Variants in TFRC observed in about 807,000 individuals in gnomAD.
The protein encoded by TFRC is transferrin receptor protein 1.
Under a neutral mutation model 85.8 loss-of-function variants are expected in TFRC, and 35 were observed. That is an observed-to-expected ratio of 0.41 (90% CI 0.31 to 0.54). The LOEUF is 0.54. Ranked by LOEUF, TFRC falls within the 20% of genes least tolerant of loss-of-function variation. The pLI is 0.31. For missense variants in TFRC, 828 were observed against 921.5 expected (o/e 0.90, Z 1.31); for synonymous variants, 362 against 328.6 (o/e 1.10, Z -1.10).
At chr3:196,058,515 T>C (rs1717007601) in intron 15 of TFRC, 59 bp downstream of exon 15, 3 of 1,526,552 alleles carry the variant, frequency 2.0e-6, no homozygotes, top group Non-Finnish European at 2.7e-6. Context: ...TTCTACCTAA[T>C]GTAGTAGGTA....
At chr3:196,052,234 G>T in intron 18 of TFRC, 50 bp from the exon 19 acceptor site, 1 of 1,479,222 alleles carries the variant, frequency 6.8e-7, no homozygotes, top group Non-Finnish European at 9.1e-7. Context: ...GACTTTTGTA[G>T]TAAAACAACA....
chr3:196,081,181 T>C (rs1230391997), intron 1 of TFRC, among the ~76,000 whole-genome samples: 1 of 152,226 alleles, frequency 6.6e-6, no homozygotes, highest in Non-Finnish European at 1.5e-5. Flanking sequence ...ACCACACCGC[T>C]AATCTCCAAG....
intron 10 of TFRC, among the ~76,000 whole-genome samples, chr3:196,064,897 T>C (rs943077579): frequency 2.0e-5 from 3 of 152,222 alleles, no homozygotes; most frequent in Non-Finnish European, 2.9e-5. Context: ...TAACTTAGAA[T>C]AGATTTTCTA....
At chr3:196,060,039 C>G (rs1717142171) in intron 14 of TFRC, 141 bp downstream of exon 14, 1 of 624,594 alleles carries the variant, frequency 1.6e-6, no homozygotes, top group Non-Finnish European at 2.8e-6. Flanking sequence ...AGGCAAGTAT[C>G]CCTTAAATAA....
In TFRC at chr3:196,075,945, T is replaced by C. The variant is rs532953822; in HGVS notation, c.37-585A>G. ...AAGTTTGAGACAAGCCTGACCAACA[T>C]GGTGAAATCCCCTCTCACTAAAAAT... On this transcript the variant is annotated intron_variant, in intron 2 of 18. Transcript: ENST00000360110. 6.0e-5 allele frequency among the ~76,000 whole-genome samples: 9 copies of C among 149,324 alleles called. No individual in the cohort carries two copies. The East Asian group carries it at 1.2e-3, about 20-fold the overall frequency.
At chr3:196,073,880 A>G in intron 4 of TFRC, 50 bp downstream of exon 4, 11 of 1,563,086 alleles carry the variant, frequency 7.0e-6, no homozygotes, top group Non-Finnish European at 9.6e-6. Context: ...GTGGCCTATC[A>G]TAATTCTTGA....
chr3:196,057,781 C>CAAAAAAAA (rs370832734), intron 16 of TFRC, among the ~76,000 whole-genome samples: 6 of 77,564 alleles, frequency 7.7e-5, no homozygotes, highest in African/African-American at 2.5e-4. Flanking sequence ...TCACCATTGT[C>CAAAAAAAA]AAAAAAAAAA....
At position 196,067,786 on chromosome 3, in the gene TFRC, C is replaced by A. The variant is rs1717858936; in HGVS notation, c.901-129G>T. On this transcript the variant is annotated intron_variant, in intron 8 of 18. Coordinates refer to ENST00000360110, the MANE Select transcript of TFRC (RefSeq NM_001128148.3). Reference sequence around the variant, plus strand: ...CTTGAAGCCTCAAAAATCTGAGTGGCTCTACAATGTGACTCCTGTTTTCAT... The same window carrying A: ...CTTGAAGCCTCAAAAATCTGAGTGGATCTACAATGTGACTCCTGTTTTCAT... The A allele has an allele frequency of 2.8e-6, 3 of 1,072,664 alleles. No homozygotes were observed. The East Asian group carries it at 7.5e-5, about 27-fold the overall frequency. 66.4% of individuals were successfully genotyped at this position (1,072,664 alleles called of 1,614,324 possible).
chr3:196,065,428 GGGGGC>G lies in TFRC; in HGVS notation c.1198+10_1198+14del. 1.5e-6 allele frequency: 1 copy of G among 675,942 alleles called. No homozygotes were observed. Among genetic ancestry groups the G allele is most frequent in the Non-Finnish European group, 2.0e-6 (1 of 493,296 alleles). 41.9% of individuals were successfully genotyped at this position (675,942 alleles called of 1,614,324 possible). ...AAAAAAAAGCGGGGCGGGGGGGGGGGGGGGCGGTCTTTACCTGGTTCTACAAAGCC... is the reference window on the plus strand; with the variant it reads ...AAAAAAAAGCGGGGCGGGGGGGGGGGGGTCTTTACCTGGTTCTACAAAGCC... On this transcript the variant is annotated intron_variant, in intron 10 of 18. Transcript: ENST00000360110.
At position 196,051,951 on chromosome 3, in the gene TFRC, ATT is replaced by A; in HGVS notation, c.2272_2273del (p.Asn758Ter). 10 of 1,613,156 alleles carry A rather than the reference ATT, an allele frequency of 6.2e-6. No individual in the cohort carries two copies. Among genetic ancestry groups the A allele is most frequent in the Non-Finnish European group, 8.5e-6 (10 of 1,179,148 alleles). The stretch of plus-strand genomic sequence containing the variant: ...GCTATGGGTATCACATTTAAAACTC[ATT>A]GTCAATGTCCCAAACGTCACCAGAG... ...ALSGDVWDID[N>X]EF On this transcript the variant is annotated frameshift_variant, in exon 19 of 19. Coordinates refer to ENST00000360110, the MANE Select transcript of TFRC (RefSeq NM_001128148.3). LOFTEE classifies it high-confidence loss of function.
chr3:196,060,221 T>C lies in TFRC; in HGVS notation c.1495A>G (p.Ser499Gly). The C allele has an allele frequency of 6.2e-7, 1 of 1,614,152 alleles. No individual in the cohort carries two copies. Among genetic ancestry groups the C allele is most frequent in the Non-Finnish European group, 8.5e-7 (1 of 1,179,988 alleles). ...LGTSNFKVSA[S>G]PLLYTLIEKT... The stretch of plus-strand genomic sequence containing the variant: ...TCAATAAGCGTATACAACAGTGGGC[T>C]GGCAGAAACCTTGAAGTTGCTGGTA... Residue 499 changes from serine to glycine, a missense_variant, in exon 14 of 19, where the codon AGC (serine) becomes GGC (glycine). Transcript: ENST00000360110.
chr3:196,057,070 T>A (rs1258303198), intron 16 of TFRC, among the ~76,000 whole-genome samples: 1 of 152,206 alleles, frequency 6.6e-6, no homozygotes, highest in Non-Finnish European at 1.5e-5. Context: ...TCCGCCTTCC[T>A]TGGCCTCCCA....
intron 4 of TFRC, among the ~76,000 whole-genome samples, chr3:196,073,133 T>A (rs1718368586): frequency 6.6e-6 from 1 of 150,526 alleles, no homozygotes; most frequent in Non-Finnish European, 1.5e-5. Flanking sequence ...GGTAGGAGAA[T>A]TGCTTAAACC....
At chr3:196,068,406 T>C (rs1330680683) in intron 7 of TFRC, among the ~76,000 whole-genome samples, 1 of 143,826 alleles carries the variant, frequency 7.0e-6, no homozygotes, top group Non-Finnish European at 1.5e-5. Context: ...AGCTCAGGAG[T>C]TCGAGACCAG....
chr3:196,062,866 A>G lies in TFRC; in HGVS notation c.1392T>C (p.Thr464=). The change falls in exon 12 of 19, where the codon ACT becomes ACC. Residue 464 remains threonine, a synonymous_variant. Transcript: ENST00000360110. ...SAGDFGSVGA[T]EWLEGYLSSL... ...TGATAAAGAATACCTCTAGCCATTC[A>G]GTGGCACCAACCGATCCAAAGTCTC... The G allele has an allele frequency of 6.2e-7, 1 of 1,614,152 alleles. No individual in the cohort carries two copies. The highest frequency in any genetic ancestry group is 8.5e-7 in the Non-Finnish European group (1 of 1,179,988).
chr3:196,051,030 T>C lies in TFRC; in HGVS notation c.*912A>G, dbSNP rs1242301729. Reference sequence around the variant, plus strand: ...ATTATATTCTATTAAAAAAACACCATTTATAGTGAACTCTGTCACTGATAA... The same window carrying C: ...ATTATATTCTATTAAAAAAACACCACTTATAGTGAACTCTGTCACTGATAA... On this transcript the variant is annotated 3_prime_UTR_variant, in exon 19 of 19. Coordinates refer to ENST00000360110, the MANE Select transcript of TFRC (RefSeq NM_001128148.3). 3 of 207,390 alleles carry C rather than the reference T, an allele frequency of 1.4e-5. No individual in the cohort carries two copies. Among genetic ancestry groups the C allele is most frequent in the African/African-American group, 2.3e-5 (1 of 43,898 alleles). 12.8% of individuals were successfully genotyped at this position (207,390 alleles called of 1,614,324 possible).
At chr3:196,052,434 C>T (rs188275440) in intron 18 of TFRC, among the ~76,000 whole-genome samples, 2 of 151,510 alleles carry the variant, frequency 1.3e-5, no homozygotes, top group South Asian at 2.1e-4. Flanking sequence ...TGTGAGCCAC[C>T]GTGCCCGGCT....
At chr3:196,078,799 A>C (rs113831368) in intron 1 of TFRC, among the ~76,000 whole-genome samples, 1 of 150,928 alleles carries the variant, frequency 6.6e-6, no homozygotes, top group African/African-American at 2.4e-5. Context: ...CTTGAGACAG[A>C]GTTTCGGTCT....
intron 16 of TFRC, among the ~76,000 whole-genome samples, chr3:196,055,879 C>G (rs1716746476): frequency 6.7e-6 from 1 of 150,350 alleles, no homozygotes; most frequent in Admixed American, 6.6e-5. Flanking sequence ...TCTCTGTCAC[C>G]CAGGCTGGAG....
Sources: gnomAD v4.1 joint callset for allele counts (sites outside exome capture counted in the v4.1 genomes callset) on GRCh38, gnomAD v4.1.1 for gene constraint, MANE v1.5 for transcripts, NCBI Gene and HGNC (gene_info 2026-07-23, HGNC 2026-07-21) for gene names.